Variants in C6orf52 observed in about 807,000 individuals in gnomAD.
C6orf52 encodes the protein putative uncharacterized protein C6orf52.
C6orf52 carries 16 observed loss-of-function variants against 16.6 expected under a neutral mutation model. The ratio of observed to expected loss-of-function variants is 0.96; its 90% CI spans 0.65 to 1.46. The LOEUF (loss-of-function observed/expected upper bound fraction) is 1.46, where lower values mean the gene tolerates loss of function less well. Ranked by LOEUF, C6orf52 falls within the 40% of genes most tolerant of loss-of-function variation. C6orf52 has a pLI of 0.00. For synonymous variants in C6orf52, 53 were observed against 61.4 expected, an observed-to-expected ratio of 0.86 and a Z score of 0.64; for missense variants, 166 against 182.3, an observed-to-expected ratio of 0.91 and a Z score of 0.52.
In C6orf52 at chr6:10,684,759, ATGACTAGGACATCT is replaced by A; in HGVS notation, c.271-1541_271-1528del. ...CACAGCACATTGGGGGAAGCAGGGAATGACTAGGACATCTTGGCAAGGACACACGTTATTGGAGA... is the reference window on the plus strand; with the variant it reads ...CACAGCACATTGGGGGAAGCAGGGAATGGCAAGGACACACGTTATTGGAGA... On this transcript the variant is annotated intron_variant, in intron 3 of 4. Coordinates refer to ENST00000259983, the MANE Select transcript of C6orf52 (RefSeq NM_001145020.3). The A allele has an allele frequency of 4.2e-6, 3 of 716,442 alleles. No individual in the cohort carries two copies. The South Asian group carries it at 4.4e-5, about 10-fold the overall frequency. 44.4% of individuals were successfully genotyped at this position (716,442 alleles called of 1,614,324 possible).
intron 4 of C6orf52, among the ~76,000 whole-genome samples, chr6:10,674,959 A>G (rs1767752328): frequency 6.6e-6 from 1 of 151,836 alleles, no homozygotes; most frequent in South Asian, 2.1e-4. Context: ...ACAGGCGCAC[A>G]CCACCACACT....
intron 1 of C6orf52, among the ~76,000 whole-genome samples, chr6:10,694,164 G>T (rs1769622469): frequency 6.6e-6 from 1 of 151,316 alleles, no homozygotes; most frequent in South Asian, 2.1e-4. Flanking sequence ...GGAGGCTGAG[G>T]CAGGAGAATT....
chr6:10,673,331 G>A (rs192688879), intron 4 of C6orf52, among the ~76,000 whole-genome samples: 1 of 152,350 alleles, frequency 6.6e-6, no homozygotes, highest in East Asian at 1.9e-4. Context: ...TGCCCTTCCA[G>A]TGATGTTGAT....
At chr6:10,683,784 A>C (rs979886787) in intron 3 of C6orf52, among the ~76,000 whole-genome samples, 1 of 152,244 alleles carries the variant, frequency 6.6e-6, no homozygotes, top group Non-Finnish European at 1.5e-5. Flanking sequence ...TGAGAGAAGT[A>C]AACTGCAGAG....
chr6:10,691,513 G>C (rs892302891), intron 1 of C6orf52, among the ~76,000 whole-genome samples: 1 of 152,044 alleles, frequency 6.6e-6, no homozygotes, highest in Non-Finnish European at 1.5e-5. Context: ...TAACATAACC[G>C]ATTAGGTCAG....
chr6:10,690,401 C>A (rs191877549), intron 1 of C6orf52, among the ~76,000 whole-genome samples: 2 of 152,258 alleles, frequency 1.3e-5, no homozygotes, highest in East Asian at 1.9e-4. Context: ...GCTGGAAATA[C>A]AAAGGAGACC....
At chr6:10,671,676 C>A in intron 4 of C6orf52, 78 bp from the exon 5 acceptor site, 2 of 996,056 alleles carry the variant, frequency 2.0e-6, no homozygotes, top group South Asian at 2.0e-5. Context: ...AATTAGAAAG[C>A]TTTTAGAAAG....
At position 10,687,534 on chromosome 6, in the gene C6orf52, C is replaced by T. The variant is rs1287662271; in HGVS notation, c.17G>A (p.Ser6Asn). MAQPE[S>N]SADFGIAQQN... Reference sequence around the variant, plus strand: ...TTGAGCTATGCCAAAATCTGCAGAACTCTCTGGTTGGGCCATTTACCCAGA... The same window carrying T: ...TTGAGCTATGCCAAAATCTGCAGAATTCTCTGGTTGGGCCATTTACCCAGA... Residue 6 changes from serine to asparagine, a missense_variant, in exon 2 of 5, where the codon AGT (serine) becomes AAT (asparagine). Physicochemically the swap from Ser to Asn is conservative, Grantham distance 46. Coordinates refer to ENST00000259983, the MANE Select transcript of C6orf52 (RefSeq NM_001145020.3). The T allele has an allele frequency of 1.9e-6, 3 of 1,550,654 alleles. No individual in the cohort carries two copies. In the African/African-American group the frequency reaches 4.1e-5, roughly 21 times the overall value.
In C6orf52 at chr6:10,683,186, C is replaced by A. The variant is rs1259991051; in HGVS notation, c.316+1G>T. ...CCACTTCAGCACAAGGTTTATGTTA[C>A]CTTCTAGTGGGTCTTCATCTTGGTT... On this transcript the variant is annotated splice_donor_variant, in intron 4 of 4. Transcript: ENST00000259983. LOFTEE classifies it high-confidence loss of function. 2.6e-6 allele frequency: 4 copies of A among 1,541,720 alleles called. No homozygotes were observed. In the East Asian group the frequency reaches 9.8e-5, roughly 38 times the overall value.
intron 4 of C6orf52, chr6:10,674,810 ATTT>A (rs1187713282): frequency 3.6e-5 from 5 of 138,996 alleles, no homozygotes; most frequent in East Asian, 2.1e-4. Context: ...TATACAATAC[ATTT>A]TTTTTTTTTT....
At chr6:10,694,862 C>CTGTATAATTCGTATA (rs1176678927), upstream of C6orf52, 19 of 686,402 alleles carry the variant, frequency 2.8e-5, no homozygotes, top group South Asian at 8.9e-5. Flanking sequence ...GCCCTGGAGC[C>CTGTATAATTCGTATA]TGACGTATAA....
At chr6:10,684,900 G>A (rs1768729647) in intron 3 of C6orf52, 1 of 1,288,228 alleles carries the variant, frequency 7.8e-7, no homozygotes. Flanking sequence ...CAGCAGGATG[G>A]CAGGCAGATG....
Position 10,694,586 on chromosome 6 carries a change from GCTAC to G in C6orf52, c.-108_-105del. ...GCCCACAACAATGCACGCTGCCGGC[GCTAC>G]AGCCCCTAAGCAACCGGCCGGAAGT... On this transcript the variant is annotated 5_prime_UTR_variant, in exon 1 of 5. Transcript: ENST00000259983. 33 of 185,666 alleles carry G rather than the reference GCTAC, an allele frequency of 1.8e-4. No homozygotes were observed. Among genetic ancestry groups the G allele is most frequent in the South Asian group, 4.1e-4 (5 of 12,072 alleles). 11.5% of individuals were successfully genotyped at this position (185,666 alleles called of 1,614,324 possible). A position where few individuals can be genotyped will look rare whatever the true frequency, so the allele number is the denominator to read the frequency against.
chr6:10,684,397 C>T (rs906004345), intron 3 of C6orf52, among the ~76,000 whole-genome samples: 9 of 152,220 alleles, frequency 5.9e-5, no homozygotes, highest in African/African-American at 2.2e-4. Flanking sequence ...TAATACAAGA[C>T]TTGAGTAACC....
At chr6:10,672,769 G>A in intron 4 of C6orf52, 1 of 525,292 alleles carries the variant, frequency 1.9e-6, no homozygotes. Flanking sequence ...CAAGAAGAGA[G>A]CCCTCGCCAG....
chr6:10,674,381 T>G (rs1767684812), intron 4 of C6orf52, among the ~76,000 whole-genome samples: 1 of 152,154 alleles, frequency 6.6e-6, no homozygotes, highest in Non-Finnish European at 1.5e-5. Context: ...ATCTCTTGAG[T>G]TGGTTCTTTA....
chr6:10,672,117 G>A (rs534409840), intron 4 of C6orf52, among the ~76,000 whole-genome samples: 6 of 152,320 alleles, frequency 3.9e-5, no homozygotes, highest in South Asian at 4.1e-4. Context: ...ACCCTGTGAC[G>A]AGATGGTATT....
chr6:10,680,663 G>A (rs942507560), intron 4 of C6orf52, among the ~76,000 whole-genome samples: 1 of 152,134 alleles, frequency 6.6e-6, no homozygotes, highest in African/African-American at 2.4e-5. Flanking sequence ...AGGCAGAGCT[G>A]GGAGGATCGC....
intron 4 of C6orf52, chr6:10,672,663 TA>T (rs1561863631): frequency 3.0e-6 from 2 of 671,938 alleles, no homozygotes; most frequent in Admixed American, 2.3e-5. Flanking sequence ...TAATTTTTTT[TA>T]AAAAAAGAGC....
Sources: gnomAD v4.1 joint callset for allele counts (sites outside exome capture counted in the v4.1 genomes callset) on GRCh38, gnomAD v4.1.1 for gene constraint, MANE v1.5 for transcripts, NCBI Gene and HGNC (gene_info 2026-07-23, HGNC 2026-07-21) for gene names.